TMEM198: variants seen among roughly 807,000 people sequenced by gnomAD.
The protein encoded by TMEM198 is transmembrane protein 198.
TMEM198 carries 21 observed loss-of-function variants against 31.5 expected under a neutral mutation model. The ratio of observed to expected loss-of-function variants is 0.67; its 90% confidence interval spans 0.47 to 0.96. The LOEUF (loss-of-function observed/expected upper bound fraction) is 0.96. Among genes scored for constraint, TMEM198 ranks in the 40% least tolerant of loss-of-function variants. TMEM198 has a pLI of 0.00. For missense variants in TMEM198, 447 were observed against 499.4 expected (o/e 0.89, Z 1.00); for synonymous variants, 211 against 223.3 (o/e 0.95, Z 0.49).
At position 219,544,894 on chromosome 2, in the gene TMEM198, G is replaced by A; in HGVS notation, c.166+1G>A. The A allele has an allele frequency of 6.2e-7, 1 of 1,613,554 alleles. No homozygotes were observed. The highest frequency in any genetic ancestry group is 8.5e-7 in the Non-Finnish European group (1 of 1,179,502). On this transcript the variant is annotated splice_donor_variant, in intron 2 of 4. Coordinates refer to ENST00000373883, the MANE Select transcript of TMEM198 (RefSeq NM_001005209.3). LOFTEE classifies it high-confidence loss of function. ...TTTGGAGTCGTCTACTGCTTCTTCGGTGAGATCCCCATCTCATCCCTCACC... is the reference window on the plus strand; with the variant it reads ...TTTGGAGTCGTCTACTGCTTCTTCGATGAGATCCCCATCTCATCCCTCACC...
In TMEM198 at chr2:219,549,735, C is replaced by A. The variant is rs978451930; in HGVS notation, c.964C>A (p.Arg322=). The change falls in exon 5 of 5, where the codon CGA becomes AGA. Residue 322 remains arginine (R), a synonymous_variant. Transcript: ENST00000373883. ...CCCACAGAGCTATATCCAGAGCTTC[C>A]GAGACCGGCAGACCGGGAGCTCCCT... ...VLSPSYIQSF[R]DRQTGSSLSS... is the part of the protein sequence containing the mutation. 4.3e-6 allele frequency: 7 copies of A among 1,613,674 alleles called. No individual in the cohort carries two copies. The highest frequency in any genetic ancestry group is 5.9e-6 in the Non-Finnish European group (7 of 1,179,938).
chr2:219,543,869 G>A (rs1348376659), upstream of TMEM198: 1 of 375,636 alleles, frequency 2.7e-6, no homozygotes, highest in African/African-American at 2.2e-5. Flanking sequence ...GAGGAGAAGG[G>A]GGAGGTTAAA....
rs201600396 is a variant in TMEM198 at position 219,549,782 on chromosome 2, C to T, written c.1011C>T (p.Pro337=). 8.1e-6 allele frequency: 13 copies of T among 1,614,160 alleles called. No individual in the cohort carries two copies. The highest frequency in any genetic ancestry group is 2.7e-5 in the African/African-American group (2 of 75,064). Reference sequence around the variant, plus strand: ...CCCTGAGCTCCTTCATGGCCTCACCCACAGATGCGGACTATGAGTATGGGT... The same window carrying T: ...CCCTGAGCTCCTTCATGGCCTCACCTACAGATGCGGACTATGAGTATGGGT... ...GSSLSSFMAS[P]TDADYEYGSR... Residue 337 remains proline, a synonymous_variant, in exon 5 of 5, where the codon CCC becomes CCT. Coordinates refer to ENST00000373883, the MANE Select transcript of TMEM198 (RefSeq NM_001005209.3).
intron 2 of TMEM198, among the ~76,000 whole-genome samples, chr2:219,545,635 G>A (rs1484113920): frequency 6.6e-6 from 1 of 152,044 alleles, no homozygotes; most frequent in South Asian, 2.1e-4. Flanking sequence ...TATAATGGGA[G>A]TAAGTGACCA....
In TMEM198 at chr2:219,549,146, C is replaced by T; in HGVS notation, c.743-6C>T. 6.2e-7 allele frequency: 1 copy of T among 1,613,778 alleles called. No homozygotes were observed. Among genetic ancestry groups the T allele is most frequent in the Non-Finnish European group, 8.5e-7 (1 of 1,180,010 alleles). On this transcript the variant is annotated splice_region_variant and splice_polypyrimidine_tract_variant and intron_variant, in intron 3 of 4. Coordinates refer to ENST00000373883, the MANE Select transcript of TMEM198 (RefSeq NM_001005209.3). ...CTGAGCTCCTTCTCTACCCATCCCA[C>T]CACAGTGGTCATCAGCCGGCAGCGC...
chr2:219,545,593 G>A (rs1438691911), intron 2 of TMEM198, among the ~76,000 whole-genome samples: 1 of 152,230 alleles, frequency 6.6e-6, no homozygotes, highest in Non-Finnish European at 1.5e-5. Context: ...TTTCTAATAT[G>A]CATAAAGGTG....
chr2:219,548,557 A>G (rs1269032535), intron 3 of TMEM198, among the ~76,000 whole-genome samples: 4 of 152,202 alleles, frequency 2.6e-5, no homozygotes, highest in Non-Finnish European at 4.4e-5. Flanking sequence ...GAGCTAGAGA[A>G]GAGGGAACAG....
At chr2:219,549,118 C>A in intron 3 of TMEM198, 34 bp from the exon 4 acceptor site, 2 of 1,612,158 alleles carry the variant, frequency 1.2e-6, no homozygotes, top group South Asian at 1.1e-5. Context: ...GGCGCACCGT[C>A]CTCTGAGCTC....
In TMEM198 at chr2:219,549,993, A is replaced by G; in HGVS notation, c.*139A>G. On this transcript the variant is annotated 3_prime_UTR_variant, in exon 5 of 5. Coordinates refer to ENST00000373883, the MANE Select transcript of TMEM198 (RefSeq NM_001005209.3). Reference sequence around the variant, plus strand: ...GCTGGCCTGGTCACTAGAAGGGAGGATTGTCTCAGGCGAGTCTTGGCCTGA... The same window carrying G: ...GCTGGCCTGGTCACTAGAAGGGAGGGTTGTCTCAGGCGAGTCTTGGCCTGA... 5 of 1,195,460 alleles carry G rather than the reference A, an allele frequency of 4.2e-6. No homozygotes were observed. Among genetic ancestry groups the G allele is most frequent in the Non-Finnish European group, 5.8e-6 (5 of 865,326 alleles). The allele number at this position is 1,195,460 out of a possible 1,614,324, so 74.1% of individuals were successfully genotyped here.
intron 2 of TMEM198, among the ~76,000 whole-genome samples, chr2:219,545,372 A>G (rs1393228040): frequency 2.6e-5 from 4 of 152,146 alleles, no homozygotes; most frequent in African/African-American, 4.8e-5. Context: ...CCTGGGATAC[A>G]TATTAGAGTG....
rs1247541546 is a variant in TMEM198 at position 219,544,847 on chromosome 2, C to T, written c.120C>T (p.Leu40=). ...GCAGGTACCAGGCACTGCCGGCCCT[C>T]GTCTGCATCATGTGCTGTTTGTTTG... ...LERRYQALPA[L]VCIMCCLFGV... Residue 40 remains leucine, a synonymous_variant, in exon 2 of 5, where the codon CTC becomes CTT. Transcript: ENST00000373883. 1.2e-6 allele frequency: 2 copies of T among 1,614,134 alleles called. No homozygotes were observed. The highest frequency in any genetic ancestry group is 8.5e-7 in the Non-Finnish European group (1 of 1,180,046).
intron 3 of TMEM198, 114 bp downstream of exon 3, chr2:219,548,195 G>A: frequency 1.0e-6 from 1 of 994,826 alleles, no homozygotes; most frequent in Non-Finnish European, 1.4e-6. Context: ...TGGCGGTAGA[G>A]AGCTGACTTG....
intron 1 of TMEM198, 74 bp downstream of exon 1, chr2:219,544,451 C>T (rs1574503352): frequency 7.0e-6 from 4 of 570,716 alleles, no homozygotes; most frequent in Middle Eastern, 2.6e-4. Flanking sequence ...ACTGGCAGCA[C>T]GCTCCCTTCA....
chr2:219,544,717 T>C lies in TMEM198; in HGVS notation c.-11T>C, dbSNP rs1272283532. On this transcript the variant is annotated 5_prime_UTR_variant, in exon 2 of 5. Transcript: ENST00000373883. ...AACTTGGGAGGGTGACTCCCTTCTA[T>C]TCCCAGCACTATGCCGGGGACTGTG... 35 of 1,611,868 alleles carry C rather than the reference T, an allele frequency of 2.2e-5. No homozygotes were observed. The highest frequency in any genetic ancestry group is 1.8e-4 in the Middle Eastern group (1 of 5,452).
At chr2:219,545,731 T>C (rs899421319) in intron 2 of TMEM198, among the ~76,000 whole-genome samples, 1 of 151,670 alleles carries the variant, frequency 6.6e-6, no homozygotes, top group African/African-American at 2.4e-5. Context: ...CCAGGAGAAT[T>C]GTAGGTGAGT....
chr2:219,547,381 A>G (rs1484485845), intron 2 of TMEM198, 125 bp from the exon 3 acceptor site: 1 of 771,134 alleles, frequency 1.3e-6, no homozygotes. Flanking sequence ...GTGACCCTCA[A>G]TTCTCTGATC....
chr2:219,545,305 G>A (rs1263305412), intron 2 of TMEM198, among the ~76,000 whole-genome samples: 2 of 152,206 alleles, frequency 1.3e-5, no homozygotes, highest in Admixed American at 1.3e-4. Context: ...ATTACACATG[G>A]TCCCTTACCA....
Position 219,549,952 on chromosome 2 carries a change from C to T in TMEM198, c.*98C>T, listed in dbSNP as rs994345861. 6.6e-6 allele frequency: 10 copies of T among 1,503,980 alleles called. No individual in the cohort carries two copies. In the African/African-American group the frequency reaches 1.4e-4, roughly 21 times the overall value. 93.2% of individuals were successfully genotyped at this position (1,503,980 alleles called of 1,614,324 possible). On this transcript the variant is annotated 3_prime_UTR_variant, in exon 5 of 5. Coordinates refer to ENST00000373883, the MANE Select transcript of TMEM198 (RefSeq NM_001005209.3). ...GCCTCCTGGCTTTGGCTGTCCCTCT[C>T]CCCAGCCTGGAGAGGGCTGGCCTGG...
rs763873836 is a variant in TMEM198, at chr2:219,547,894, C to T, written c.555C>T (p.Ala185=). ...ATAVTGAALI[A]TAADYFAELL... Reference sequence around the variant, plus strand: ...CCGTGACTGGTGCTGCGCTGATCGCCACTGCCGCTGACTACTTCGCCGAGC... The same window carrying T: ...CCGTGACTGGTGCTGCGCTGATCGCTACTGCCGCTGACTACTTCGCCGAGC... Residue 185 remains alanine, a synonymous_variant, in exon 3 of 5, where the codon GCC becomes GCT. Transcript: ENST00000373883. The T allele has an allele frequency of 1.9e-6, 3 of 1,596,392 alleles. No individual in the cohort carries two copies. The highest frequency in any genetic ancestry group is 2.5e-6 in the Non-Finnish European group (3 of 1,178,452).
Sources: allele counts gnomAD v4.1 joint callset (sites outside exome capture counted in the v4.1 genomes callset), GRCh38; gene constraint gnomAD v4.1.1; transcripts MANE v1.5; gene names NCBI Gene and HGNC (gene_info 2026-07-23, HGNC 2026-07-21).